Variants in PCDH15 observed in about 807,000 individuals in gnomAD.
The protein encoded by PCDH15 is protocadherin-15.
Under a neutral mutation model 178.5 loss-of-function variants are expected in PCDH15, and 129 were observed. The ratio of observed to expected loss-of-function variants is 0.72; its 90% CI spans 0.63 to 0.84. PCDH15 has a LOEUF of 0.84. Among genes scored for constraint, PCDH15 ranks in the 40% least tolerant of loss-of-function variants. The probability of loss-of-function intolerance (pLI) is 0.00; values close to 1 mark genes in which losing one functional copy is unlikely to be tolerated. For missense variants in PCDH15, 2,230 were observed against 2,099.9 expected (o/e 1.06, Z -1.21); for synonymous variants, 800 against 732.0 (o/e 1.09, Z -1.50).
At chr10:54,274,616 TTG>T (rs3069673) in intron 8 of PCDH15, among the ~76,000 whole-genome samples, 33,610 of 144,394 alleles carry the variant, frequency 0.23, 4,489 homozygotes, top group East Asian at 0.69. Context: ...CTCAGTTTAA[TTG>T]TGTGTGTGTG....
chr10:55,016,069 T>C (rs1279638141), intron 2 of PCDH15, among the ~76,000 whole-genome samples: 1 of 144,232 alleles, frequency 6.9e-6, no homozygotes, highest in African/African-American at 2.6e-5. Flanking sequence ...ATTGACCAAA[T>C]TTTAACCACC....
At chr10:54,022,305 G>C (rs2092947665) in intron 19 of PCDH15, among the ~76,000 whole-genome samples, 1 of 150,280 alleles carries the variant, frequency 6.7e-6, no homozygotes, top group Non-Finnish European at 1.5e-5. Context: ...AGGAGAGTTA[G>C]ATTACTAGAA....
intron 2 of PCDH15, among the ~76,000 whole-genome samples, chr10:54,566,518 G>A (rs2089059218): frequency 6.6e-6 from 1 of 152,064 alleles, no homozygotes; most frequent in African/African-American, 2.4e-5. Flanking sequence ...ACAACCCCCT[G>A]ACAATCACTG....
intron 2 of PCDH15, among the ~76,000 whole-genome samples, chr10:54,940,047 A>G (rs1838020532): frequency 6.6e-6 from 1 of 152,068 alleles, no homozygotes. Flanking sequence ...TTCATCTATA[A>G]TCATTATTTC....
At chr10:54,878,698 T>C (rs892748663) in intron 3 of PCDH15, among the ~76,000 whole-genome samples, 38 of 152,262 alleles carry the variant, frequency 2.5e-4, no homozygotes, top group Non-Finnish European at 4.3e-4. Context: ...CTGGGACACA[T>C]GTGCAGGATG....
intron 1 of PCDH15, among the ~76,000 whole-genome samples, chr10:54,698,851 A>C (rs1285344445): frequency 6.6e-6 from 1 of 152,046 alleles, no homozygotes; most frequent in African/African-American, 2.4e-5. Context: ...CCATTTTTTA[A>C]CTATTGCCAG....
chr10:55,074,856 A>G (rs1387041129), intron 2 of PCDH15, among the ~76,000 whole-genome samples: 2 of 152,068 alleles, frequency 1.3e-5, no homozygotes, highest in African/African-American at 2.4e-5. Flanking sequence ...TGGGTTTTAC[A>G]TTTAAGTCTT....
chr10:54,300,162 G>T (rs1180762677), intron 8 of PCDH15, among the ~76,000 whole-genome samples: 1 of 152,092 alleles, frequency 6.6e-6, no homozygotes, highest in Non-Finnish European at 1.5e-5. Context: ...GAAGAGTGTT[G>T]TTTTTACCCT....
intron 37 of PCDH15, 85 bp downstream of exon 37, chr10:53,810,471 A>G: frequency 3.2e-6 from 4 of 1,245,872 alleles, no homozygotes; most frequent in Non-Finnish European, 3.5e-6. Flanking sequence ...CTAAAAGCTG[A>G]AATGTTCTAC....
chr10:55,182,259 A>G (rs1038324843), intron 1 of PCDH15, among the ~76,000 whole-genome samples: 13 of 152,122 alleles, frequency 8.5e-5, no homozygotes, highest in Admixed American at 5.3e-4. Context: ...CAAGTGAATA[A>G]AAATAACTAC....
intron 20 of PCDH15, among the ~76,000 whole-genome samples, chr10:54,012,815 C>T (rs549569908): frequency 6.6e-6 from 1 of 152,216 alleles, no homozygotes; most frequent in South Asian, 2.1e-4. Flanking sequence ...TGAACAGCCA[C>T]TACAAAAACA....
intron 2 of PCDH15, among the ~76,000 whole-genome samples, chr10:55,430,796 G>C (rs1565131237): frequency 6.6e-6 from 1 of 152,094 alleles, no homozygotes; most frequent in Non-Finnish European, 1.5e-5. Flanking sequence ...GCCAATGCCT[G>C]CCAATAAATC....
At chr10:54,130,751 A>G (rs1465798709) in intron 15 of PCDH15, among the ~76,000 whole-genome samples, 1 of 152,218 alleles carries the variant, frequency 6.6e-6, no homozygotes, top group Non-Finnish European at 1.5e-5. Flanking sequence ...CTGTCTTCCA[A>G]ATTGAGCAGT....
rs1944301274 is a variant in PCDH15 at position 54,352,268 on chromosome 10, T to C, written c.475-5784A>G. Among the ~76,000 whole-genome samples the C allele has an allele frequency of 2.0e-5, 3 of 152,306 alleles. 1 individual carries two copies. In the South Asian group the frequency reaches 6.2e-4, roughly 32 times the overall value. ...CTTTAATGATTAAACAGAAACCATA[T>C]GAGAGTCCTAAGAAGAGAAAACATA... is the stretch of plus-strand genomic sequence containing the variant. On this transcript the variant is annotated intron_variant, in intron 5 of 37. Transcript: ENST00000644397.
At chr10:54,015,491 C>T (rs930944484) in intron 20 of PCDH15, among the ~76,000 whole-genome samples, 2 of 152,144 alleles carry the variant, frequency 1.3e-5, no homozygotes, top group Non-Finnish European at 2.9e-5. Flanking sequence ...CATTTCTTGA[C>T]TTCAAACTAT....
At chr10:55,478,923 T>C (rs998733839) in intron 2 of PCDH15, among the ~76,000 whole-genome samples, 1 of 131,642 alleles carries the variant, frequency 7.6e-6, no homozygotes, top group African/African-American at 2.9e-5. Context: ...TCTACCAAAA[T>C]TGAATCACAA....
chr10:54,761,038 A>C (rs182426445), intron 1 of PCDH15, among the ~76,000 whole-genome samples: 1 of 152,184 alleles, frequency 6.6e-6, no homozygotes, highest in Non-Finnish European at 1.5e-5. Context: ...AAGAAAGACC[A>C]ACTAGATTCT....
intron 2 of PCDH15, among the ~76,000 whole-genome samples, chr10:54,544,355 T>C (rs796876007): frequency 5.3e-5 from 8 of 152,300 alleles, no homozygotes; most frequent in African/African-American, 1.7e-4. Context: ...AAACTGAATA[T>C]AATAAAGTGC....
chr10:54,791,960 C>A (rs572245259), intron 1 of PCDH15, among the ~76,000 whole-genome samples: 4 of 151,850 alleles, frequency 2.6e-5, no homozygotes, highest in Non-Finnish European at 5.9e-5. Flanking sequence ...CTTGTTACAA[C>A]ACAAAAGCCC....
Sources: gnomAD v4.1 joint callset for allele counts (sites outside exome capture counted in the v4.1 genomes callset) on GRCh38, gnomAD v4.1.1 for gene constraint, MANE v1.5 for transcripts, NCBI Gene and HGNC (gene_info 2026-07-23, HGNC 2026-07-21) for gene names.